Variants in PCBP3 observed in about 807,000 individuals in gnomAD.
The protein encoded by PCBP3 is poly(rC) binding protein 3.
A neutral mutation model predicts 52.7 loss-of-function variants in PCBP3; 25 were observed. The observed-to-expected ratio is 0.47, with a 90% confidence interval of 0.35 to 0.66. PCBP3 has a LOEUF of 0.66. PCBP3 is among the 30% of genes least tolerant of loss of function. The pLI, the probability that PCBP3 is intolerant of heterozygous loss-of-function variation, is 0.01. For missense variants in PCBP3, 391 were observed against 490.3 expected, an observed-to-expected ratio of 0.80 and a Z score of 1.91; for synonymous variants, 162 against 183.0, an observed-to-expected ratio of 0.89 and a Z score of 0.93.
At chr21:45,879,889 G>A (rs922341689) in intron 5 of PCBP3, among the ~76,000 whole-genome samples, 3 of 151,780 alleles carry the variant, frequency 2.0e-5, no homozygotes, top group African/African-American at 7.3e-5. Flanking sequence ...TCCACTTGAA[G>A]AAACTTTAAA....
At chr21:45,660,901 A>C (rs9978882) in intron 1 of PCBP3, among the ~76,000 whole-genome samples, 30,817 of 151,892 alleles carry the variant, frequency 0.2, 3,406 homozygotes, top group Middle Eastern at 0.34. Context: ...ATTAGCCGGG[A>C]GTGGTGGTGC....
chr21:45,677,808 A>G (rs971461540), intron 2 of PCBP3, among the ~76,000 whole-genome samples: 22 of 152,224 alleles, frequency 1.4e-4, no homozygotes, highest in African/African-American at 5.3e-4. Flanking sequence ...AAGCCTAGAT[A>G]ACAGCACATC....
chr21:45,813,098 T>C (rs1464183084), intron 4 of PCBP3, among the ~76,000 whole-genome samples: 1 of 152,242 alleles, frequency 6.6e-6, no homozygotes. Flanking sequence ...AGCCATCATA[T>C]TTAACTTTTT....
intron 15 of PCBP3, among the ~76,000 whole-genome samples, chr21:45,932,408 T>A (rs911965645): frequency 5.3e-5 from 8 of 151,414 alleles, no homozygotes; most frequent in Non-Finnish European, 1.0e-4. Context: ...GGCCATGCCG[T>A]CCTGAGATGA....
At chr21:45,683,223 TTGGTGATC>T (rs1488509327) in intron 2 of PCBP3, among the ~76,000 whole-genome samples, 3 of 152,144 alleles carry the variant, frequency 2.0e-5, no homozygotes, top group Non-Finnish European at 4.4e-5. Flanking sequence ...AAAGAGGCCT[TTGGTGATC>T]CCCACAAAGC....
chr21:45,645,952 T>G (rs1282285462), intron 1 of PCBP3, among the ~76,000 whole-genome samples: 1 of 152,172 alleles, frequency 6.6e-6, no homozygotes, highest in African/African-American at 2.4e-5. Context: ...CTGTAGATTT[T>G]GGGGCAGCTC....
chr21:45,732,324 A>G (rs759631194), intron 2 of PCBP3, among the ~76,000 whole-genome samples: 1 of 152,086 alleles, frequency 6.6e-6, no homozygotes, highest in Non-Finnish European at 1.5e-5. Context: ...AAGGTACACA[A>G]TATAATGTTA....
At chr21:45,932,045 C>T (rs566939032) in intron 15 of PCBP3, among the ~76,000 whole-genome samples, 1,587 of 150,852 alleles carry the variant, frequency 0.011, 21 homozygotes, top group African/African-American at 0.037. Flanking sequence ...ATGAACACAA[C>T]GGTCATGCTG....
intron 3 of PCBP3, among the ~76,000 whole-genome samples, chr21:45,755,212 A>C (rs538087240): frequency 6.6e-6 from 1 of 151,904 alleles, no homozygotes; most frequent in Admixed American, 6.6e-5. Flanking sequence ...TGACATTTTG[A>C]CTCTGCTTTA....
chr21:45,702,888 C>T (rs2083218255), intron 2 of PCBP3, among the ~76,000 whole-genome samples: 1 of 152,206 alleles, frequency 6.6e-6, no homozygotes, highest in Non-Finnish European at 1.5e-5. Flanking sequence ...GCTGCTTTAG[C>T]AACTAAGCTT....
chr21:45,682,856 G>C (rs1318951783), intron 2 of PCBP3, among the ~76,000 whole-genome samples: 2 of 152,166 alleles, frequency 1.3e-5, no homozygotes, highest in African/African-American at 2.4e-5. Context: ...GAAGTTTAGA[G>C]GATGGAGTCC....
At chr21:45,903,294 G>A (rs568574408) in intron 9 of PCBP3, among the ~76,000 whole-genome samples, 1 of 152,288 alleles carries the variant, frequency 6.6e-6, no homozygotes, top group South Asian at 2.1e-4. Flanking sequence ...GTTGCCCCAT[G>A]CAGGTTGCTG....
chr21:45,699,419 A>C (rs2082975602), intron 2 of PCBP3, among the ~76,000 whole-genome samples: 1 of 152,160 alleles, frequency 6.6e-6, no homozygotes, highest in African/African-American at 2.4e-5. Context: ...TAGAGCTTTC[A>C]ACCAACACCC....
intron 2 of PCBP3, among the ~76,000 whole-genome samples, chr21:45,726,457 G>C (rs2085051081): frequency 6.6e-6 from 1 of 152,076 alleles, no homozygotes. Flanking sequence ...GGTGGGGCTT[G>C]CTCCACTCTA....
At chr21:45,733,154 C>A (rs1399800044) in intron 2 of PCBP3, among the ~76,000 whole-genome samples, 1 of 152,068 alleles carries the variant, frequency 6.6e-6, no homozygotes, top group Non-Finnish European at 1.5e-5. Flanking sequence ...TTTTTTAAAT[C>A]TCAGATGTAT....
chr21:45,779,697 A>T (rs1228029008), intron 4 of PCBP3, among the ~76,000 whole-genome samples: 2 of 152,196 alleles, frequency 1.3e-5, no homozygotes, highest in African/African-American at 4.8e-5. Flanking sequence ...TGCCAACAGA[A>T]ATTGTTGAAG....
chr21:45,756,072 C>G (rs2088008347), intron 4 of PCBP3, among the ~76,000 whole-genome samples: 1 of 152,142 alleles, frequency 6.6e-6, no homozygotes, highest in Non-Finnish European at 1.5e-5. Flanking sequence ...AATTAGGTCT[C>G]TGATCTATTC....
intron 5 of PCBP3, among the ~76,000 whole-genome samples, chr21:45,877,901 G>A (rs1445255875): frequency 6.6e-6 from 1 of 152,274 alleles, no homozygotes; most frequent in East Asian, 1.9e-4. Flanking sequence ...CAGAGTGCTG[G>A]AGCAGCTCCC....
intron 4 of PCBP3, among the ~76,000 whole-genome samples, chr21:45,835,915 G>A (rs2093575843): frequency 6.6e-6 from 1 of 151,634 alleles, no homozygotes; most frequent in Admixed American, 6.6e-5. Flanking sequence ...GCCTGGCGGG[G>A]TCTGGATCTC....
Sources: allele counts gnomAD v4.1 joint callset (sites outside exome capture counted in the v4.1 genomes callset), GRCh38; gene constraint gnomAD v4.1.1; transcripts MANE v1.5; gene names NCBI Gene and HGNC (gene_info 2026-07-23, HGNC 2026-07-21).